The following DNASE1 variants were observed in gnomAD, a reference collection of about 807,000 sequenced individuals.
The protein encoded by DNASE1 is deoxyribonuclease 1.
DNASE1 carries 40 observed loss-of-function variants against 33.9 expected under a neutral mutation model. The observed-to-expected ratio is 1.18, with a 90% CI of 0.92 to 1.54. DNASE1 has a LOEUF of 1.54. Ranked by LOEUF, DNASE1 falls within the 40% of genes most tolerant of loss-of-function variation. The probability of loss-of-function intolerance (pLI) is 0.00; values close to 1 mark genes in which losing one functional copy is unlikely to be tolerated. For missense variants in DNASE1, 518 were observed against 372.6 expected (o/e 1.39, Z -3.21); for synonymous variants, 216 against 160.0 (o/e 1.35, Z -2.64).
At chr16:3,612,591 CGG>C (rs34915806) in intron 1 of DNASE1, among the ~76,000 whole-genome samples, 2 of 42,244 alleles carry the variant, frequency 4.7e-5, no homozygotes, top group East Asian at 1.3e-3. Context: ...GCGGTGGGGG[CGG>C]GGGGGGGAGT....
rs1293841903 is a variant in DNASE1 at position 3,631,714 on chromosome 16, G to C, written c.-1358-9001G>C. On this transcript the variant is annotated intron_variant and NMD_transcript_variant, in intron 1 of 11. Transcript: ENST00000570769. ...ATTTTTGTGTTTTTAGTAGAGATGG[G>C]GTTTTGCCGTGTTGGGCAGGCTGGT... Among the ~76,000 whole-genome samples the C allele has an allele frequency of 4.7e-5, 7 of 150,374 alleles. No homozygotes were observed. The East Asian group carries it at 1.4e-3, about 29-fold the overall frequency.
chr16:3,649,584 G>GTA (rs2042271991), intron 1 of DNASE1, among the ~76,000 whole-genome samples: 4 of 152,200 alleles, frequency 2.6e-5, no homozygotes, highest in Non-Finnish European at 4.4e-5. Context: ...CAGTAAAGTA[G>GTA]GAAATCTAAC....
intron 1 of DNASE1, among the ~76,000 whole-genome samples, chr16:3,622,461 C>G (rs1266613269): frequency 6.6e-6 from 1 of 151,968 alleles, no homozygotes; most frequent in Non-Finnish European, 1.5e-5. Flanking sequence ...GCTTTGCATT[C>G]TTTTAGATTG....
chr16:3,628,360 A>G (rs952369135), intron 1 of DNASE1, among the ~76,000 whole-genome samples: 2 of 152,112 alleles, frequency 1.3e-5, no homozygotes, highest in African/African-American at 4.8e-5. Context: ...AGTTTTTTAC[A>G]TATCATATTA....
intron 1 of DNASE1, among the ~76,000 whole-genome samples, chr16:3,645,211 CT>C (rs2042138045): frequency 6.6e-6 from 1 of 152,188 alleles, no homozygotes; most frequent in Non-Finnish European, 1.5e-5. Flanking sequence ...ACTGTGTGTC[CT>C]TTTCCTGGAC....
upstream of DNASE1, among the ~76,000 whole-genome samples, chr16:3,639,064 C>T (rs2041956910): frequency 6.6e-6 from 1 of 152,116 alleles, no homozygotes; most frequent in African/African-American, 2.4e-5. Flanking sequence ...GTTTCTAGGT[C>T]AGTTTCTATT....
intron 1 of DNASE1, among the ~76,000 whole-genome samples, chr16:3,644,414 T>G (rs1380459819): frequency 1.3e-5 from 2 of 151,914 alleles, no homozygotes; most frequent in African/African-American, 2.4e-5. Context: ...AATACAAAAA[T>G]TAGCCAGGTG....
intron 2 of DNASE1, 137 bp downstream of exon 2, chr16:3,655,657 G>A: frequency 6.8e-7 from 1 of 1,462,364 alleles, no homozygotes; most frequent in Non-Finnish European, 9.4e-7. Context: ...GGTGGAACAG[G>A]CTCTTGGCTG....
At chr16:3,658,224 C>T (rs371641134), downstream of DNASE1, 8 of 1,613,400 alleles carry the variant, frequency 5.0e-6, no homozygotes, top group Admixed American at 1.7e-5. Flanking sequence ...ATGGCGTTCT[C>T]GTATATCTGA....
At chr16:3,638,967 G>A (rs897999850), upstream of DNASE1, among the ~76,000 whole-genome samples, 1 of 151,964 alleles carries the variant, frequency 6.6e-6, no homozygotes, top group Non-Finnish European at 1.5e-5. Flanking sequence ...TATATCTTCC[G>A]TGTTCTCATC....
At chr16:3,660,551 A>G (rs1012712093), downstream of DNASE1, 1 of 152,178 alleles carries the variant, frequency 6.6e-6, no homozygotes, top group Non-Finnish European at 1.5e-5. Context: ...AAAACTAGTT[A>G]AAGTGACCTG....
chr16:3,663,821 C>T (rs1186058646), exon 10 of DNASE1: 4 of 481,024 alleles, frequency 8.3e-6, no homozygotes, highest in South Asian at 2.6e-5. Flanking sequence ...CGCCTGTAAT[C>T]CCAGCACTTT....
At chr16:3,637,053 G>A (rs983137385) in intron 1 of DNASE1, among the ~76,000 whole-genome samples, 2 of 152,100 alleles carry the variant, frequency 1.3e-5, no homozygotes, top group Admixed American at 6.6e-5. Context: ...GAACCCAGGA[G>A]GCAGAGGTTG....
At chr16:3,644,138 A>G (rs1291117323) in intron 1 of DNASE1, among the ~76,000 whole-genome samples, 2 of 152,244 alleles carry the variant, frequency 1.3e-5, no homozygotes, top group Non-Finnish European at 2.9e-5. Flanking sequence ...ACAGAAAAGC[A>G]CAATAACTGA....
rs752220090 is a variant in DNASE1, at chr16:3,657,053, C to T, written c.491C>T (p.Ala164Val). Residue 164 changes from alanine to valine, a missense_variant, in exon 6 of 9, where the codon GCC becomes GTC. Ala to Val is a moderately conservative substitution (Grantham distance 64). Coordinates refer to ENST00000246949, the MANE Select transcript of DNASE1 (RefSeq NM_005223.4). ...CATGCGGCCCCGGGGGACGCAGTAG[C>T]CGAGATCGACGCTCTCTATGACGTC... Reference protein sequence around the residue: ...PLHAAPGDAVAEIDALYDVYL... With the variant: ...PLHAAPGDAVVEIDALYDVYL... 3.7e-5 allele frequency: 59 copies of T among 1,613,884 alleles called. No homozygotes were observed. The highest frequency in any genetic ancestry group is 4.8e-5 in the Non-Finnish European group (57 of 1,180,010).
chr16:3,638,584 T>G (rs937784229), upstream of DNASE1, among the ~76,000 whole-genome samples: 1 of 152,210 alleles, frequency 6.6e-6, no homozygotes, highest in African/African-American at 2.4e-5. Flanking sequence ...GTGATCCGCC[T>G]GCCTCGGCCT....
At chr16:3,655,749 C>T (rs1223597979) in intron 2 of DNASE1, 100 bp from the exon 3 acceptor site, 32 of 1,499,844 alleles carry the variant, frequency 2.1e-5, no homozygotes, top group East Asian at 2.0e-4. Flanking sequence ...GCGGTTAAAC[C>T]GAGCAATGCC....
At chr16:3,634,857 C>G (rs2041820679) in intron 1 of DNASE1, among the ~76,000 whole-genome samples, 1 of 152,032 alleles carries the variant, frequency 6.6e-6, no homozygotes, top group South Asian at 2.1e-4. Context: ...TACTATGTGG[C>G]CCAGGCTAGA....
upstream of DNASE1, chr16:3,651,529 C>T (rs1412521091): frequency 6.6e-6 from 1 of 152,262 alleles, no homozygotes; most frequent in Non-Finnish European, 1.5e-5. Flanking sequence ...AGGATTGTAC[C>T]CCACTCACTC....
Sources: allele counts gnomAD v4.1 joint callset (sites outside exome capture counted in the v4.1 genomes callset), GRCh38; gene constraint gnomAD v4.1.1; transcripts MANE v1.5; gene names NCBI Gene and HGNC (gene_info 2026-07-23, HGNC 2026-07-21).